The following SLC2A9 variants were observed in gnomAD, a reference collection of about 807,000 sequenced individuals.
SLC2A9 encodes solute carrier family 2, facilitated glucose transporter member 9.
A neutral mutation model predicts 50.6 loss-of-function variants in SLC2A9; 39 were observed. The observed-to-expected ratio is 0.77, with a 90% CI of 0.60 to 1.01. The LOEUF (loss-of-function observed/expected upper bound fraction) is 1.01, where lower values mean the gene tolerates loss of function less well. Ranked by LOEUF, SLC2A9 falls within the 50% of genes least tolerant of loss-of-function variation. The pLI is 0.00. For synonymous variants in SLC2A9, 324 were observed against 276.9 expected (o/e 1.17, Z -1.69); for missense variants, 686 against 677.6 (o/e 1.01, Z -0.14).
In SLC2A9 at chr4:9,887,574, AC is replaced by A. The variant is rs750305565; in HGVS notation, c.1283del (p.Ser428MetfsTer10). On this transcript the variant is annotated frameshift_variant, in exon 10 of 12. Coordinates refer to ENST00000264784, the MANE Select transcript of SLC2A9 (RefSeq NM_020041.3). LOFTEE classifies it high-confidence loss of function. ...GAGGGTGGGGTGCCTTACCTGGCCC[AC>A]TGCAGAAAGAGGCGATGATGGCCAG... ...GILAIIASFCSGPGGIPFILT... is the reference protein window; with the variant it reads ...GILAIIASFCXGPGGIPFILT... 1 of 1,565,860 alleles carries A rather than the reference AC, an allele frequency of 6.4e-7. No homozygotes were observed. The highest frequency in any genetic ancestry group is 1.4e-5 in the African/African-American group (1 of 73,470).
intron 6 of SLC2A9, among the ~76,000 whole-genome samples, chr4:9,935,461 C>A (rs10010582): frequency 6.6e-6 from 1 of 152,056 alleles, no homozygotes; most frequent in Non-Finnish European, 1.5e-5. Flanking sequence ...CTAGTCCCTG[C>A]CCCTATGTGC....
chr4:9,915,560 A>G (rs1278282917), intron 7 of SLC2A9, among the ~76,000 whole-genome samples: 2 of 152,152 alleles, frequency 1.3e-5, no homozygotes, highest in East Asian at 1.9e-4. Flanking sequence ...GCATCCTTTC[A>G]TCTATCTTCA....
intron 1 of SLC2A9, among the ~76,000 whole-genome samples, chr4:10,033,783 G>A (rs761864024): frequency 2.8e-4 from 42 of 152,320 alleles, no homozygotes; most frequent in Non-Finnish European, 4.7e-4. Flanking sequence ...AACGGGTGTC[G>A]CTGTGCTCGT....
intron 7 of SLC2A9, among the ~76,000 whole-genome samples, chr4:9,910,148 T>C (rs762797604): frequency 6.6e-6 from 1 of 152,254 alleles, no homozygotes; most frequent in Non-Finnish European, 1.5e-5. Context: ...CAGGCATGGA[T>C]ACATCCATCT....
intron 2 of SLC2A9, among the ~76,000 whole-genome samples, chr4:10,002,460 C>G (rs955392989): frequency 1.3e-5 from 2 of 152,208 alleles, no homozygotes; most frequent in African/African-American, 4.8e-5. Flanking sequence ...TGCCAAACTT[C>G]AGGGCACAAA....
At chr4:10,018,587 GATA>G (rs1470520893) in intron 2 of SLC2A9, among the ~76,000 whole-genome samples, 2 of 128,078 alleles carry the variant, frequency 1.6e-5, no homozygotes, top group African/African-American at 6.4e-5. Flanking sequence ...TAGATAGATA[GATA>G]ACAACAACAA....
intron 2 of SLC2A9, among the ~76,000 whole-genome samples, chr4:10,008,287 T>C (rs1275471547): frequency 1.3e-5 from 2 of 152,210 alleles, no homozygotes; most frequent in South Asian, 4.1e-4. Flanking sequence ...CTCCAGGGCA[T>C]GGTGCGGGGG....
In SLC2A9 at chr4:9,911,439, A is replaced by G. The variant is rs1250510046; in HGVS notation, c.1003-3094T>C. On this transcript the variant is annotated intron_variant, in intron 7 of 11. Transcript: ENST00000264784. ...GAAGCTTATTTGATTGGACAGTTTG[A>G]GTTCACTGTAAAATAAGAAAGCACT... Among the ~76,000 whole-genome samples the G allele has an allele frequency of 2.0e-5, 3 of 152,168 alleles. No homozygotes were observed. In the East Asian group the frequency reaches 5.8e-4, roughly 29 times the overall value.
chr4:9,788,841 T>C (rs1719549298), intron 3 of SLC2A9, among the ~76,000 whole-genome samples: 1 of 152,244 alleles, frequency 6.6e-6, no homozygotes, highest in Admixed American at 6.5e-5. Context: ...TATGTCAGAC[T>C]CATCTTGTAT....
At chr4:9,936,818 T>C (rs1293994010) in intron 6 of SLC2A9, among the ~76,000 whole-genome samples, 1 of 152,250 alleles carries the variant, frequency 6.6e-6, no homozygotes, top group South Asian at 2.1e-4. Context: ...TTTGATATGG[T>C]CTCTAAACTC....
At chr4:10,034,172 G>A (rs1005432154) in intron 1 of SLC2A9, 4 of 152,252 alleles carry the variant, frequency 2.6e-5, no homozygotes, top group Admixed American at 2.6e-4. Context: ...ACTATTTCAT[G>A]ACTCAAAAGA....
chr4:10,007,860 G>A (rs1168972236), intron 2 of SLC2A9, among the ~76,000 whole-genome samples: 2 of 152,138 alleles, frequency 1.3e-5, no homozygotes, highest in African/African-American at 4.8e-5. Context: ...TTTATAGAAT[G>A]GGAATAAGAA....
chr4:10,018,712 G>A (rs369894134), intron 2 of SLC2A9, among the ~76,000 whole-genome samples: 34 of 150,062 alleles, frequency 2.3e-4, no homozygotes, highest in African/African-American at 7.9e-4. Context: ...GACTTCCGAA[G>A]CCCCCTCTCA....
At chr4:10,031,225 G>A (rs1314899412) in intron 1 of SLC2A9, among the ~76,000 whole-genome samples, 1 of 152,176 alleles carries the variant, frequency 6.6e-6, no homozygotes, top group Non-Finnish European at 1.5e-5. Flanking sequence ...TCCAACATGA[G>A]ACACAAAAGG....
chr4:9,884,843 G>A (rs1735891458), intron 10 of SLC2A9, among the ~76,000 whole-genome samples: 1 of 152,170 alleles, frequency 6.6e-6, no homozygotes, highest in Non-Finnish European at 1.5e-5. Flanking sequence ...ACAGCCATGA[G>A]AAGGAACAAG....
At chr4:9,996,518 T>C (rs1758698052) in intron 3 of SLC2A9, among the ~76,000 whole-genome samples, 1 of 152,196 alleles carries the variant, frequency 6.6e-6, no homozygotes, top group Admixed American at 6.5e-5. Context: ...ATTTCTTCCC[T>C]GCTCCTCCCC....
chr4:9,783,126 A>G lies in SLC2A9; in HGVS notation n.386-3061T>C, dbSNP rs151227402. On this transcript the variant is annotated intron_variant and non_coding_transcript_variant, in intron 3 of 3. Transcript: ENST00000503803. Reference sequence around the variant, plus strand: ...ATCTATGCCTTCAACGCCGACTTTCAGAAGGTGTTTGCCCAGCTGCTGGGG... The same window carrying G: ...ATCTATGCCTTCAACGCCGACTTTCGGAAGGTGTTTGCCCAGCTGCTGGGG... 6.5e-5 allele frequency: 105 copies of G among 1,614,226 alleles called. 1 individual carries two copies. The African/African-American group carries it at 1.3e-3, about 20-fold the overall frequency.
At chr4:9,969,006 T>C (rs1020638816) in intron 5 of SLC2A9, among the ~76,000 whole-genome samples, 2 of 152,174 alleles carry the variant, frequency 1.3e-5, no homozygotes, top group African/African-American at 4.8e-5. Flanking sequence ...TTTAAAACTT[T>C]TGGCATCTTT....
chr4:10,015,028 C>T (rs552482424), intron 2 of SLC2A9, among the ~76,000 whole-genome samples: 69 of 152,274 alleles, frequency 4.5e-4, no homozygotes, highest in Non-Finnish European at 7.8e-4. Flanking sequence ...ATGAGAATTG[C>T]TCTATGAGAA....
Sources: gnomAD v4.1 joint callset for allele counts (sites outside exome capture counted in the v4.1 genomes callset) on GRCh38, gnomAD v4.1.1 for gene constraint, MANE v1.5 for transcripts, NCBI Gene and HGNC (gene_info 2026-07-23, HGNC 2026-07-21) for gene names.